Variants in PCDH11X observed in about 807,000 individuals in gnomAD.
PCDH11X encodes protocadherin-11 X-linked.
Under a neutral mutation model 53.3 loss-of-function variants are expected in PCDH11X, and 18 were observed. That is an observed-to-expected ratio of 0.34 (90% CI 0.23 to 0.50). PCDH11X has a LOEUF of 0.50. Among genes scored for constraint, PCDH11X ranks in the 20% least tolerant of loss-of-function variants. The probability of loss-of-function intolerance (pLI) is 0.98; values close to 1 mark genes in which losing one functional copy is unlikely to be tolerated. For missense variants in PCDH11X, 570 were observed against 1,032.4 expected, an observed-to-expected ratio of 0.55 and a Z score of 6.14; for synonymous variants, 279 against 393.3, an observed-to-expected ratio of 0.71 and a Z score of 3.44.
intron 7 of PCDH11X, among the ~76,000 whole-genome samples, chrX:92,245,091 T>C (rs1569439020): frequency 8.9e-6 from 1 of 112,423 alleles, no homozygotes; most frequent in Non-Finnish European, 1.9e-5. Context: ...ATATGATAGA[T>C]TCACAAAGAG....
At chrX:92,233,878 T>TA (rs2067125498) in intron 7 of PCDH11X, among the ~76,000 whole-genome samples, 1 of 112,105 alleles carries the variant, frequency 8.9e-6, no homozygotes, top group South Asian at 3.7e-4. Context: ...TCACTGATTT[T>TA]AAAAAAGCAA....
chrX:92,568,155 C>T (rs1379320251), intron 10 of PCDH11X, among the ~76,000 whole-genome samples: 1 of 110,176 alleles, frequency 9.1e-6, no homozygotes, highest in Non-Finnish European at 1.9e-5. Flanking sequence ...GGCCCAGTGG[C>T]TCACACCTGT....
At chrX:91,970,076 G>A (rs1030412552) in intron 6 of PCDH11X, among the ~76,000 whole-genome samples, 2 of 111,227 alleles carry the variant, frequency 1.8e-5, no homozygotes, top group Non-Finnish European at 3.8e-5. Context: ...TAAAGGCAGC[G>A]TATCCAGAGT....
At chrX:92,093,556 C>T (rs1311313360) in intron 6 of PCDH11X, among the ~76,000 whole-genome samples, 1 of 111,637 alleles carries the variant, frequency 9.0e-6, no homozygotes, top group Non-Finnish European at 1.9e-5. Context: ...TACCTTTATT[C>T]TTGGCATAGA....
chrX:91,808,632 C>A (rs935565478), intron 1 of PCDH11X, among the ~76,000 whole-genome samples: 2 of 110,592 alleles, frequency 1.8e-5, no homozygotes, highest in Non-Finnish European at 3.8e-5. Flanking sequence ...GTATTTTGAT[C>A]TTTGCTTCTA....
intron 6 of PCDH11X, among the ~76,000 whole-genome samples, chrX:91,981,002 A>AATATATATATATACACTGAAT (rs1278783364): frequency 2.0e-5 from 2 of 98,297 alleles, no homozygotes; most frequent in Non-Finnish European, 4.0e-5. Flanking sequence ...ATATACACTG[A>AATATATATATATACACTGAAT]ATATATATAT....
chrX:91,974,511 A>G (rs2062019260), intron 6 of PCDH11X, among the ~76,000 whole-genome samples: 1 of 111,438 alleles, frequency 9.0e-6, no homozygotes, highest in African/African-American at 3.3e-5. Flanking sequence ...AGAGGGAATA[A>G]TTAAGAGTTA....
rs751892399 is a variant in PCDH11X, at chrX:91,947,224, A to C, written c.3033+67951A>C. Among the ~76,000 whole-genome samples the C allele has an allele frequency of 2.7e-5, 3 of 109,693 alleles. No homozygotes were observed. In the East Asian group the frequency reaches 8.7e-4, roughly 32 times the overall value. ...TTGGGGGGGTGCAGCAGTCTAAAAA[A>C]TCTTGATATTAGACTCCAAGAAATG... On this transcript the variant is annotated intron_variant, in intron 6 of 10. Transcript: ENST00000682573.
intron 9 of PCDH11X, among the ~76,000 whole-genome samples, chrX:92,417,676 G>A (rs927367820): frequency 1.4e-4 from 16 of 110,525 alleles, no homozygotes; most frequent in African/African-American, 5.3e-4. Flanking sequence ...AATGACTGGT[G>A]GAAAAGATTG....
chrX:92,429,025 G>A (rs1217485830), intron 9 of PCDH11X, among the ~76,000 whole-genome samples: 2 of 110,761 alleles, frequency 1.8e-5, no homozygotes, highest in African/African-American at 3.3e-5. Context: ...GGTTTTTTTG[G>A]ACCTGCATTT....
Position 92,215,905 on chromosome X carries a change from G to A in PCDH11X, c.3114+14450G>A, listed in dbSNP as rs368461910. On this transcript the variant is annotated intron_variant, in intron 7 of 10. Coordinates refer to ENST00000682573, the MANE Select transcript of PCDH11X (RefSeq NM_032968.5). ...CAGCATTCGCGGTTCACGAAAATCC[G>A]TGGTTCTGCAGCCACCGCTGCTGAT... is the stretch of plus-strand genomic sequence containing the variant. Among the ~76,000 whole-genome samples, 22 of 110,059 alleles carry A rather than the reference G, an allele frequency of 2.0e-4. No individual in the cohort carries two copies. In the East Asian group the frequency reaches 5.8e-3, roughly 29 times the overall value.
At chrX:91,858,818 G>A (rs1229341139) in intron 5 of PCDH11X, among the ~76,000 whole-genome samples, 1 of 110,840 alleles carries the variant, frequency 9.0e-6, no homozygotes, top group Non-Finnish European at 1.9e-5. Flanking sequence ...TCAACATTTT[G>A]GTCAAAGTCA....
intron 1 of PCDH11X, among the ~76,000 whole-genome samples, chrX:91,786,879 A>T (rs1935352854): frequency 9.0e-6 from 1 of 111,356 alleles, no homozygotes; most frequent in African/African-American, 3.3e-5. Context: ...TTCTGAATGT[A>T]AAAAGCAAAA....
At chrX:91,856,041 T>C (rs911879062) in intron 5 of PCDH11X, among the ~76,000 whole-genome samples, 4 of 97,797 alleles carry the variant, frequency 4.1e-5, no homozygotes, top group African/African-American at 1.5e-4. Context: ...CTATGTTGAA[T>C]AATAGTGGTG....
chrX:92,097,893 C>T (rs768305406), intron 6 of PCDH11X, among the ~76,000 whole-genome samples: 3 of 110,198 alleles, frequency 2.7e-5, no homozygotes, highest in Non-Finnish European at 5.7e-5. Context: ...ACTTATAATA[C>T]CTAATACAAT....
In PCDH11X at chrX:91,878,750, G is replaced by A. The variant is rs768277417; in HGVS notation, c.2510G>A (p.Arg837His). 11 of 1,208,170 alleles carry A rather than the reference G, an allele frequency of 9.1e-6. No homozygotes were observed. The highest frequency in any genetic ancestry group is 3.0e-5 in the East Asian group (1 of 33,692). Residue 837 changes from arginine (R) to histidine (H), a missense_variant, in exon 6 of 11, where the codon CGC becomes CAC. Physicochemically the swap from Arg to His is conservative, Grantham distance 29 (BLOSUM62 0). This residue lies in a region of PCDH11X where 226 missense variants were observed against 457.5 expected (regional missense o/e 0.49). Transcript: ENST00000682573. ...TTCATCACTGCTGTAGTAAGATGTC[G>A]CCAGGCACCACACCTTAAGGCTGCT... ...VIFITAVVRC[R>H]QAPHLKAAQK...
intron 8 of PCDH11X, among the ~76,000 whole-genome samples, chrX:92,384,176 T>C (rs1198889116): frequency 9.0e-6 from 1 of 111,564 alleles, no homozygotes; most frequent in Non-Finnish European, 1.9e-5. Flanking sequence ...GGGTTGTTTG[T>C]TTTTTTCTTG....
At chrX:92,126,134 AAAAT>A (rs1363886545) in intron 6 of PCDH11X, among the ~76,000 whole-genome samples, 67 of 109,051 alleles carry the variant, frequency 6.1e-4, no homozygotes, top group African/African-American at 2.2e-3. Flanking sequence ...TCTCAAAAAA[AAAAT>A]AAAATAAAAT....
intron 1 of PCDH11X, among the ~76,000 whole-genome samples, chrX:91,779,999 AG>A (rs746271244): frequency 3.6e-4 from 40 of 112,036 alleles, no homozygotes; most frequent in Middle Eastern, 9.1e-3. Context: ...CTGTGCAAAA[AG>A]GTCTCTCCCT....
Sources: gnomAD v4.1 joint callset for allele counts (sites outside exome capture counted in the v4.1 genomes callset) on GRCh38, gnomAD v4.1.1 for gene constraint, gnomAD v4.1.1 regional missense constraint, MANE v1.5 for transcripts, NCBI Gene and HGNC (gene_info 2026-07-23, HGNC 2026-07-21) for gene names.